The following KIAA0232 variants were observed in gnomAD, a reference collection of about 807,000 sequenced individuals.
The protein encoded by KIAA0232 is KIAA0232, also known as uncharacterized protein KIAA0232.
KIAA0232 carries 27 observed loss-of-function variants against 122.0 expected under a neutral mutation model. The ratio of observed to expected loss-of-function variants is 0.22; its 90% CI spans 0.16 to 0.31. The LOEUF is 0.31. Ranked by LOEUF, KIAA0232 falls within the 10% of genes least tolerant of loss-of-function variation. The pLI is 1.00. For missense variants in KIAA0232, 1,551 were observed against 1,634.2 expected (o/e 0.95, Z 0.88); for synonymous variants, 613 against 587.6 (o/e 1.04, Z -0.63).
intron 2 of KIAA0232, among the ~76,000 whole-genome samples, chr4:6,808,187 T>TA (rs1717721848): frequency 6.6e-6 from 1 of 152,130 alleles, no homozygotes; most frequent in South Asian, 2.1e-4. Context: ...TGAAAAGTAA[T>TA]AGAGTCCAAA....
chr4:6,869,345 G>T lies in KIAA0232; in HGVS notation c.3802-2229G>T, dbSNP rs138392593. On this transcript the variant is annotated intron_variant, in intron 7 of 9. Coordinates refer to ENST00000307659, the MANE Select transcript of KIAA0232 (RefSeq NM_014743.3). The stretch of plus-strand genomic sequence containing the variant: ...CCTCTAAATCCACTTATCTTCAATA[G>T]CGCCTTAGGGAGGTGATGGAGAGAG... Among the ~76,000 whole-genome samples the T allele has an allele frequency of 1.4e-3, 217 of 152,320 alleles. 1 individual carries two copies. The highest frequency in any genetic ancestry group is 6.8e-3 in the Middle Eastern group (2 of 294).
chr4:6,868,602 G>A (rs1721306540), intron 7 of KIAA0232, among the ~76,000 whole-genome samples: 1 of 152,192 alleles, frequency 6.6e-6, no homozygotes, highest in Non-Finnish European at 1.5e-5. Flanking sequence ...AGGGAGGGCA[G>A]CACTGAGGCC....
intron 2 of KIAA0232, among the ~76,000 whole-genome samples, chr4:6,816,122 C>T (rs1449943253): frequency 6.6e-6 from 1 of 151,990 alleles, no homozygotes; most frequent in Non-Finnish European, 1.5e-5. Context: ...TTTAGAGGTT[C>T]TGTGGTAGAC....
At chr4:6,786,311 T>C (rs1417630449) in intron 1 of KIAA0232, among the ~76,000 whole-genome samples, 1 of 152,216 alleles carries the variant, frequency 6.6e-6, no homozygotes, top group East Asian at 1.9e-4. Flanking sequence ...ATAAAGTTTG[T>C]TTGTTTTTGA....
At chr4:6,795,795 T>TG (rs1358211153) in intron 1 of KIAA0232, among the ~76,000 whole-genome samples, 2 of 152,206 alleles carry the variant, frequency 1.3e-5, no homozygotes, top group Non-Finnish European at 2.9e-5. Context: ...CTCACTATGT[T>TG]GCCCAGGCTG....
At chr4:6,787,381 G>C (rs1716675393) in intron 1 of KIAA0232, among the ~76,000 whole-genome samples, 1 of 152,126 alleles carries the variant, frequency 6.6e-6, no homozygotes, top group African/African-American at 2.4e-5. Flanking sequence ...GAACAAGTTT[G>C]TTAAATCCCT....
intron 3 of KIAA0232, among the ~76,000 whole-genome samples, chr4:6,831,521 G>T (rs542381935): frequency 6.9e-4 from 105 of 152,264 alleles, no homozygotes; most frequent in African/African-American, 2.4e-3. Flanking sequence ...TCCATATAGA[G>T]AACAACCATG....
At chr4:6,836,546 C>CTTTTTTTTTTTTTTTTTTTT (rs1173281370) in intron 3 of KIAA0232, among the ~76,000 whole-genome samples, 1 of 82,084 alleles carries the variant, frequency 1.2e-5, no homozygotes, top group East Asian at 3.1e-4. Flanking sequence ...TTTTTCTTTT[C>CTTTTTTTTTTTTTTTTTTTT]TTTTTTTTTT....
At chr4:6,860,760 T>G in intron 6 of KIAA0232, 141 bp from the exon 7 acceptor site, 1 of 769,416 alleles carries the variant, frequency 1.3e-6, no homozygotes, top group Non-Finnish European at 2.1e-6. Flanking sequence ...TATAAATTAT[T>G]GTAAAGTTAA....
intron 4 of KIAA0232, among the ~76,000 whole-genome samples, chr4:6,853,959 C>A (rs1010907020): frequency 6.6e-6 from 1 of 152,106 alleles, no homozygotes; most frequent in Non-Finnish European, 1.5e-5. Context: ...CAGCCAGGAG[C>A]AGAGAGTGTA....
In KIAA0232 at chr4:6,790,915, CT is replaced by C. The variant is rs35766310; in HGVS notation, c.-354+8097del. 7.9e-3 allele frequency among the ~76,000 whole-genome samples: 731 copies of C among 92,928 alleles called. 2 individuals are homozygous for C. The highest frequency in any genetic ancestry group is 0.025 in the African/African-American group (531 of 21,082). 61.0% of individuals were successfully genotyped at this position (92,928 alleles called of 152,430 possible). The stretch of plus-strand genomic sequence containing the variant: ...TGAAGGAGTTTCTTGTTTTTATATA[CT>C]TTTTTTTTTTTTTTTTTTTTTTGAG... On this transcript the variant is annotated intron_variant, in intron 1 of 9. Transcript: ENST00000307659.
Position 6,863,121 on chromosome 4 carries a change from A to T in KIAA0232, c.2739A>T (p.Thr913=). 6.2e-7 allele frequency: 1 copy of T among 1,614,126 alleles called. No homozygotes were observed. Among genetic ancestry groups the T allele is most frequent in the Non-Finnish European group, 8.5e-7 (1 of 1,180,018 alleles). The change falls in exon 7 of 10, where the codon ACA becomes ACT. Residue 913 remains threonine (T), a synonymous_variant. Coordinates refer to ENST00000307659, the MANE Select transcript of KIAA0232 (RefSeq NM_014743.3). ...LSNVDGGDYT[T]PSKPWDVAQD... The stretch of plus-strand genomic sequence containing the variant: ...ACGTGGATGGTGGTGATTATACAAC[A>T]CCCTCTAAACCCTGGGATGTAGCCC...
chr4:6,793,494 A>G (rs1716998331), intron 1 of KIAA0232, among the ~76,000 whole-genome samples: 2 of 152,248 alleles, frequency 1.3e-5, no homozygotes, highest in Non-Finnish European at 2.9e-5. Context: ...TTTCAGTGTT[A>G]AGATAGCTAT....
At chr4:6,797,156 T>C (rs1266946285) in intron 1 of KIAA0232, among the ~76,000 whole-genome samples, 1 of 152,248 alleles carries the variant, frequency 6.6e-6, no homozygotes, top group Non-Finnish European at 1.5e-5. Flanking sequence ...AGCAGTGTTT[T>C]AACAGTTTTT....
intron 3 of KIAA0232, among the ~76,000 whole-genome samples, chr4:6,838,029 A>G (rs1173992689): frequency 1.3e-5 from 2 of 152,188 alleles, no homozygotes; most frequent in Non-Finnish European, 2.9e-5. Context: ...TCAGATGGAT[A>G]GATTGCAAAA....
intron 8 of KIAA0232, among the ~76,000 whole-genome samples, chr4:6,874,335 C>G (rs1005150837): frequency 6.6e-6 from 1 of 152,142 alleles, no homozygotes; most frequent in African/African-American, 2.4e-5. Flanking sequence ...GGGAGAGGTG[C>G]CAGGCAGCAG....
At chr4:6,807,767 G>T (rs559355062) in intron 2 of KIAA0232, among the ~76,000 whole-genome samples, 1 of 152,256 alleles carries the variant, frequency 6.6e-6, no homozygotes, top group African/African-American at 2.4e-5. Context: ...AAATTCATGT[G>T]CTGAGATCAG....
chr4:6,788,203 A>C (rs62289422), intron 1 of KIAA0232, among the ~76,000 whole-genome samples: 2,517 of 151,946 alleles, frequency 0.017, 26 homozygotes, highest in Non-Finnish European at 0.026. Context: ...TTTTTTGTAG[A>C]GATGGGGTTT....
intron 9 of KIAA0232, among the ~76,000 whole-genome samples, chr4:6,878,342 T>C (rs1434118850): frequency 1.3e-5 from 2 of 152,060 alleles, no homozygotes; most frequent in African/African-American, 4.8e-5. Flanking sequence ...ACCACTGCAC[T>C]CCAGCCTGGG....
Sources: gnomAD v4.1 joint callset for allele counts (sites outside exome capture counted in the v4.1 genomes callset) on GRCh38, gnomAD v4.1.1 for gene constraint, MANE v1.5 for transcripts, NCBI Gene and HGNC (gene_info 2026-07-23, HGNC 2026-07-21) for gene names.